The following RYR3 variants were observed in gnomAD, a reference collection of about 807,000 sequenced individuals.
The protein encoded by RYR3 is ryanodine receptor 3.
RYR3 carries 207 observed loss-of-function variants against 584.3 expected under a neutral mutation model. The ratio of observed to expected loss-of-function variants is 0.35; its 90% CI spans 0.32 to 0.40. The LOEUF is 0.40. Ranked by LOEUF, RYR3 falls within the 10% of genes least tolerant of loss-of-function variation. RYR3 has a pLI of 1.00. For missense variants in RYR3, 5,616 were observed against 6,089.2 expected (o/e 0.92, Z 2.59); for synonymous variants, 2,416 against 2,248.5 (o/e 1.07, Z -2.11).
At chr15:33,826,819 A>G in intron 84 of RYR3, 67 bp downstream of exon 84, 2 of 1,152,332 alleles carry the variant, frequency 1.7e-6, no homozygotes, top group Admixed American at 2.1e-5. Flanking sequence ...TCCGTTCAGT[A>G]TGCCCCATTT....
intron 3 of RYR3, among the ~76,000 whole-genome samples, chr15:33,519,789 A>G (rs1387936414): frequency 6.6e-6 from 1 of 152,140 alleles, no homozygotes; most frequent in Non-Finnish European, 1.5e-5. Context: ...GGTGCTAAGT[A>G]TTAGGAGCAT....
At chr15:33,365,566 T>A in intron 1 of RYR3, among the ~76,000 whole-genome samples, 1 of 152,188 alleles carries the variant, frequency 6.6e-6, no homozygotes, top group Non-Finnish European at 1.5e-5. Flanking sequence ...CATCAGTGAT[T>A]GGCAGGACCC....
intron 1 of RYR3, among the ~76,000 whole-genome samples, chr15:33,399,511 G>A (rs550908376): frequency 2.6e-5 from 4 of 152,206 alleles, no homozygotes; most frequent in South Asian, 2.1e-4. Flanking sequence ...GGTGGCCGGC[G>A]CCTGTATTCC....
rs779728125 is a variant in RYR3 at position 33,827,209 on chromosome 15, C to T, written c.11256C>T (p.Asn3752=). ...LCEGHNSDFQ[N]FLRTQMGNTT... ...CACTGGTGCTCTCAGACTTTCAGAACTTCCTGCGGACTCAGATGGGCAACA... is the reference window on the plus strand; with the variant it reads ...CACTGGTGCTCTCAGACTTTCAGAATTTCCTGCGGACTCAGATGGGCAACA... Residue 3752 remains asparagine (N), a synonymous_variant, in exon 85 of 104, where the codon AAC becomes AAT. Transcript: ENST00000634891. 79 of 1,551,820 alleles carry T rather than the reference C, an allele frequency of 5.1e-5. No individual in the cohort carries two copies. The highest frequency in any genetic ancestry group is 9.8e-5 in the Admixed American group (5 of 50,992).
intron 71 of RYR3, 155 bp from the exon 72 acceptor site, chr15:33,810,823 G>A: frequency 9.6e-7 from 1 of 1,047,026 alleles, no homozygotes; most frequent in Non-Finnish European, 1.4e-6. Flanking sequence ...AAGTCCGTGT[G>A]TGCCCTTTGG....
chr15:33,563,647 C>T (rs2057537998), intron 11 of RYR3, among the ~76,000 whole-genome samples: 1 of 152,120 alleles, frequency 6.6e-6, no homozygotes. Context: ...CTGAAATACC[C>T]TTATAAAATA....
rs1056680729 is a variant in RYR3, at chr15:33,723,250, C to T, written c.6800+355C>T. ...ATGTTTCCTTCAGTATTTTGTCCCA[C>T]GGTGTCTCGTCCCATACCTCATTTG... On this transcript the variant is annotated intron_variant, in intron 44 of 103. Coordinates refer to ENST00000634891, the MANE Select transcript of RYR3 (RefSeq NM_001036.6). 7.9e-5 allele frequency among the ~76,000 whole-genome samples: 12 copies of T among 152,340 alleles called. No individual in the cohort carries two copies. In the South Asian group the frequency reaches 1.7e-3, roughly 21 times the overall value.
intron 67 of RYR3, among the ~76,000 whole-genome samples, chr15:33,789,622 TTTTATA>T (rs1422458980): frequency 0.027 from 879 of 32,360 alleles, 62 homozygotes; most frequent in Middle Eastern, 0.077. Flanking sequence ...CCAGGTTTTA[TTTTATA>T]TATATATATA....
At chr15:33,336,469 AGAGAGAGAGAGAGAG>A (rs1971041076) in intron 1 of RYR3, among the ~76,000 whole-genome samples, 1 of 23,490 alleles carries the variant, frequency 4.3e-5, no homozygotes. Flanking sequence ...AGAGAGAGAG[AGAGAGAGAGAGAGAG>A]AGAAAGAAAG....
At chr15:33,576,232 C>A (rs114492605) in intron 12 of RYR3, among the ~76,000 whole-genome samples, 2,324 of 152,250 alleles carry the variant, frequency 0.015, 59 homozygotes, top group African/African-American at 0.053. Flanking sequence ...CTGTTTCAAA[C>A]AATTGAAAAG....
At chr15:33,841,601 G>T (rs1413705234) in intron 90 of RYR3, among the ~76,000 whole-genome samples, 1 of 152,046 alleles carries the variant, frequency 6.6e-6, no homozygotes, top group Non-Finnish European at 1.5e-5. Flanking sequence ...CTTCAGAAGG[G>T]GAAAAAAATT....
At chr15:33,479,522 G>A (rs2049763666) in intron 2 of RYR3, among the ~76,000 whole-genome samples, 1 of 145,158 alleles carries the variant, frequency 6.9e-6, no homozygotes, top group Middle Eastern at 3.7e-3. Flanking sequence ...CAGGCATCAT[G>A]CGCTATGTCC....
chr15:33,503,734 A>G lies in RYR3; in HGVS notation c.275A>G (p.Glu92Gly). ...MLANTGENGG[E>G]GAAQGGGHRT... ...GCCAACACAGGTGAAAATGGCGGCG[A>G]AGGGGTGAGTACCCGAATTGTGTCC... The change falls in exon 3 of 104, where the codon GAA becomes GGA. Residue 92 changes from glutamate (E) to glycine (G), a missense_variant. By Grantham distance (98) the Glu-to-Gly change is moderately conservative. This residue lies in a region of RYR3 where 1,284 missense variants were observed against 1,344.6 expected (regional missense o/e 0.95). Transcript: ENST00000634891. 1.2e-6 allele frequency: 2 copies of G among 1,603,522 alleles called. No homozygotes were observed. Among genetic ancestry groups the G allele is most frequent in the Non-Finnish European group, 1.7e-6 (2 of 1,172,570 alleles).
Position 33,580,093 on chromosome 15 carries a change from G to A in RYR3, c.1386G>A (p.Lys462=). Residue 462 remains lysine, a synonymous_variant, in exon 13 of 104, where the codon AAG becomes AAA. Coordinates refer to ENST00000634891, the MANE Select transcript of RYR3 (RefSeq NM_001036.6). ...PPEEEMRHED[K]QNKLRSLKNR... ...AGGAGGAGATGCGACATGAAGACAAGCAGAACAAGCTCCGCTCACTCAAAA... is the reference window on the plus strand; with the variant it reads ...AGGAGGAGATGCGACATGAAGACAAACAGAACAAGCTCCGCTCACTCAAAA... 6.2e-7 allele frequency: 1 copy of A among 1,613,378 alleles called. No homozygotes were observed. Among genetic ancestry groups the A allele is most frequent in the Non-Finnish European group, 8.5e-7 (1 of 1,179,610 alleles).
At chr15:33,646,572 T>G in intron 29 of RYR3, 46 bp downstream of exon 29, 1 of 1,528,306 alleles carries the variant, frequency 6.5e-7, no homozygotes, top group Non-Finnish European at 8.9e-7. Context: ...TTGTATCTCC[T>G]GTAAAGTGGG....
chr15:33,402,272 C>G (rs748356040), intron 1 of RYR3, among the ~76,000 whole-genome samples: 7 of 152,052 alleles, frequency 4.6e-5, no homozygotes, highest in Non-Finnish European at 1.0e-4. Flanking sequence ...AAGAGTGTTC[C>G]TGATAGAATT....
chr15:33,715,817 A>G (rs2067451515), intron 43 of RYR3, among the ~76,000 whole-genome samples: 1 of 152,200 alleles, frequency 6.6e-6, no homozygotes, highest in Non-Finnish European at 1.5e-5. Context: ...AAACCCTTTT[A>G]TAAGGGTACT....
chr15:33,370,117 T>A (rs2040221795), intron 1 of RYR3, among the ~76,000 whole-genome samples: 1 of 152,232 alleles, frequency 6.6e-6, no homozygotes, highest in East Asian at 1.9e-4. Context: ...GGAGTCTTGA[T>A]ACCATGGCAA....
intron 3 of RYR3, among the ~76,000 whole-genome samples, chr15:33,504,429 A>G (rs2052283206): frequency 6.6e-6 from 1 of 152,224 alleles, no homozygotes; most frequent in South Asian, 2.1e-4. Flanking sequence ...CTGCCTGAAT[A>G]TCTCAAATTC....
Sources: allele counts gnomAD v4.1 joint callset (sites outside exome capture counted in the v4.1 genomes callset), GRCh38; gene constraint gnomAD v4.1.1; regional missense constraint gnomAD v4.1.1; transcripts MANE v1.5; gene names NCBI Gene and HGNC (gene_info 2026-07-23, HGNC 2026-07-21).